RAD18: variants seen among roughly 807,000 people sequenced by gnomAD.
The protein encoded by RAD18 is E3 ubiquitin-protein ligase RAD18.
Under a neutral mutation model 60.4 loss-of-function variants are expected in RAD18, and 47 were observed. The ratio of observed to expected loss-of-function variants is 0.78; its 90% CI spans 0.62 to 0.99. RAD18 has a LOEUF of 0.99. Among genes scored for constraint, RAD18 ranks in the 50% least tolerant of loss-of-function variants. The probability of loss-of-function intolerance (pLI) is 0.00; values close to 1 mark genes in which losing one functional copy is unlikely to be tolerated. For synonymous variants in RAD18, 225 were observed against 195.5 expected, an observed-to-expected ratio of 1.15 and a Z score of -1.26; for missense variants, 640 against 593.3, an observed-to-expected ratio of 1.08 and a Z score of -0.82.
At chr3:8,960,935 G>A (rs755409634) in intron 1 of RAD18, among the ~76,000 whole-genome samples, 5 of 152,048 alleles carry the variant, frequency 3.3e-5, no homozygotes, top group Non-Finnish European at 7.4e-5. Flanking sequence ...GTAAATTTTT[G>A]TTAAAGTAAA....
Position 8,883,056 on chromosome 3 carries a change from T to C in RAD18, c.1386-1597A>G, listed in dbSNP as rs1191071347. 2.6e-5 allele frequency among the ~76,000 whole-genome samples: 4 copies of C among 152,124 alleles called. No individual in the cohort carries two copies. In the East Asian group the frequency reaches 7.7e-4, roughly 29 times the overall value. On this transcript the variant is annotated intron_variant, in intron 12 of 12. Coordinates refer to ENST00000264926, the MANE Select transcript of RAD18 (RefSeq NM_020165.4). ...TAAAAAGACTTAGTGAACTTGAAGGTATGTCAATAAAAACCAGATTAAGAT... is the reference window on the plus strand; with the variant it reads ...TAAAAAGACTTAGTGAACTTGAAGGCATGTCAATAAAAACCAGATTAAGAT...
At position 8,898,904 on chromosome 3, in the gene RAD18, A is replaced by C; in HGVS notation, c.1312T>G (p.Ser438Ala). ...CTGCATGTTTCTTACCTATTGCATG[A>C]ATCTGATTCTGATGAAGAAAGAACT... is the stretch of plus-strand genomic sequence containing the variant. ...QEVLSSSESD[S>A]CNSSSSDIIR... The change falls in exon 11 of 13, where the codon TCA becomes GCA. Residue 438 changes from serine to alanine, a missense_variant. Transcript: ENST00000264926. The C allele has an allele frequency of 6.3e-7, 1 of 1,587,888 alleles. No homozygotes were observed. The highest frequency in any genetic ancestry group is 8.6e-7 in the Non-Finnish European group (1 of 1,166,836).
At chr3:8,945,513 C>T (rs1940825622) in intron 4 of RAD18, among the ~76,000 whole-genome samples, 1 of 126,670 alleles carries the variant, frequency 7.9e-6, no homozygotes, top group African/African-American at 2.7e-5. Flanking sequence ...TACTCTGTCG[C>T]CAGGCTGGAG....
rs144049013 is a variant in RAD18, at chr3:8,955,722, G to A, written c.133+3198C>T. On this transcript the variant is annotated intron_variant, in intron 2 of 12. Transcript: ENST00000264926. ...ATGAGAGAGAAAAACAGCAGCTAATGAAAAAACTGACCAAATCTCTCGGCT... is the reference window on the plus strand; with the variant it reads ...ATGAGAGAGAAAAACAGCAGCTAATAAAAAAACTGACCAAATCTCTCGGCT... Among the ~76,000 whole-genome samples, 464 of 152,320 alleles carry A rather than the reference G, an allele frequency of 3.0e-3. 5 individuals are homozygous for A. Among genetic ancestry groups the A allele is most frequent in the African/African-American group, 0.011 (456 of 41,588 alleles).
chr3:8,914,687 C>A (rs575559), intron 7 of RAD18, among the ~76,000 whole-genome samples: 93,878 of 151,974 alleles, frequency 0.62, 30,989 homozygotes, highest in Middle Eastern at 0.73. Flanking sequence ...ACAATGTAAA[C>A]AATCTCTCTG....
chr3:8,934,402 T>A (rs1325707944), intron 7 of RAD18, among the ~76,000 whole-genome samples: 1 of 152,086 alleles, frequency 6.6e-6, no homozygotes, highest in Admixed American at 6.5e-5. Context: ...CAAATAAGAA[T>A]AAAAATAGGC....
chr3:8,902,270 C>G, intron 10 of RAD18, 110 bp downstream of exon 10: 1 of 1,030,268 alleles, frequency 9.7e-7, no homozygotes, highest in Non-Finnish European at 1.3e-6. Flanking sequence ...TACTTTTTCT[C>G]ATTTCAAAGA....
At chr3:8,937,324 C>T (rs539768351) in intron 6 of RAD18, among the ~76,000 whole-genome samples, 1 of 151,998 alleles carries the variant, frequency 6.6e-6, no homozygotes, top group East Asian at 1.9e-4. Flanking sequence ...TGTTCACTGG[C>T]ATTTACAATA....
Position 8,881,118 on chromosome 3 carries a change from G to A in RAD18, c.*239C>T. The A allele has an allele frequency of 2.3e-6, 1 of 440,452 alleles. No homozygotes were observed. Among genetic ancestry groups the A allele is most frequent in the East Asian group, 4.5e-5 (1 of 22,204 alleles). 27.3% of individuals were successfully genotyped at this position (440,452 alleles called of 1,614,324 possible). ...TACCTCCTCTGCAAAGCTGGTACCT[G>A]TGTGAAATGTCAGTATTTTTAGAGA... On this transcript the variant is annotated 3_prime_UTR_variant, in exon 13 of 13. Transcript: ENST00000264926.
At chr3:8,935,819 C>A (rs1212647880) in intron 7 of RAD18, 52 bp downstream of exon 7, 1 of 1,391,072 alleles carries the variant, frequency 7.2e-7, no homozygotes. Flanking sequence ...CTGAGCTACA[C>A]AAAATTGCTT....
At chr3:8,915,176 T>C (rs1940178331) in intron 7 of RAD18, among the ~76,000 whole-genome samples, 2 of 148,934 alleles carry the variant, frequency 1.3e-5, no homozygotes, top group South Asian at 4.2e-4. Context: ...AAAACTATAT[T>C]AGGATTGGGT....
At chr3:8,914,226 A>ATTAAATG (rs1173120022) in intron 7 of RAD18, among the ~76,000 whole-genome samples, 1 of 152,230 alleles carries the variant, frequency 6.6e-6, no homozygotes, top group Non-Finnish European at 1.5e-5. Flanking sequence ...TCTGGAATAC[A>ATTAAATG]CCCTGTCAAA....
chr3:8,949,081 C>T (rs968054432), intron 2 of RAD18, among the ~76,000 whole-genome samples: 12 of 152,096 alleles, frequency 7.9e-5, no homozygotes, highest in African/African-American at 2.9e-4. Context: ...AGGTTCTTGA[C>T]CTCAAGGAGC....
intron 9 of RAD18, among the ~76,000 whole-genome samples, chr3:8,904,765 A>G (rs1456937222): frequency 6.6e-6 from 1 of 152,220 alleles, no homozygotes; most frequent in East Asian, 1.9e-4. Flanking sequence ...TGGGATCTAC[A>G]TAATTTAGTT....
At position 8,942,491 on chromosome 3, in the gene RAD18, G is replaced by C. The variant is rs185673327; in HGVS notation, c.267-687C>G. Among the ~76,000 whole-genome samples, 556 of 152,262 alleles carry C rather than the reference G, an allele frequency of 3.7e-3. 2 individuals carry two copies. The highest frequency in any genetic ancestry group is 0.013 in the African/African-American group (520 of 41,546). ...TCAAGTTTACTTTATAGCAATGTAA[G>C]AATGGCCTAACTTGCATAAAAAACA... On this transcript the variant is annotated intron_variant, in intron 4 of 12. Transcript: ENST00000264926.
intron 7 of RAD18, among the ~76,000 whole-genome samples, chr3:8,925,737 G>C (rs1940421597): frequency 6.6e-6 from 1 of 152,070 alleles, no homozygotes; most frequent in Non-Finnish European, 1.5e-5. Context: ...TTCATCCCTG[G>C]GATGCAAGGC....
At chr3:8,903,873 C>T (rs45570032) in intron 9 of RAD18, among the ~76,000 whole-genome samples, 21,216 of 152,112 alleles carry the variant, frequency 0.14, 1,807 homozygotes, top group East Asian at 0.23. Context: ...TTCCATTTTC[C>T]TTAGCATAAT....
intron 7 of RAD18, among the ~76,000 whole-genome samples, chr3:8,933,044 C>T (rs1164751937): frequency 2.6e-5 from 4 of 151,788 alleles, no homozygotes; most frequent in Admixed American, 1.3e-4. Flanking sequence ...TACAGTGAGC[C>T]GAGATCGCGC....
At chr3:8,955,001 C>G (rs928949319) in intron 2 of RAD18, among the ~76,000 whole-genome samples, 1 of 152,216 alleles carries the variant, frequency 6.6e-6, no homozygotes, top group Non-Finnish European at 1.5e-5. Context: ...CCTCCACTGA[C>G]TTCCTCTTAA....
Sources: gnomAD v4.1 joint callset for allele counts (sites outside exome capture counted in the v4.1 genomes callset) on GRCh38, gnomAD v4.1.1 for gene constraint, MANE v1.5 for transcripts, NCBI Gene and HGNC (gene_info 2026-07-23, HGNC 2026-07-21) for gene names.